The following PLCB4 variants were observed in gnomAD, a reference collection of about 807,000 sequenced individuals.
The protein encoded by PLCB4 is phospholipase C beta 4.
In PLCB4, 77 loss-of-function variants were observed where a neutral mutation model predicts 178.8. The observed-to-expected ratio is 0.43, with a 90% CI of 0.36 to 0.52. The LOEUF is 0.52. PLCB4 is among the 20% of genes least tolerant of loss of function. The probability of loss-of-function intolerance (pLI) is 0.00; values close to 1 mark genes in which losing one functional copy is unlikely to be tolerated. For synonymous variants in PLCB4, 496 were observed against 490.8 expected (o/e 1.01, Z -0.14); for missense variants, 1,024 against 1,453.4 (o/e 0.70, Z 4.80).
At chr20:9,309,004 T>A (rs1314583154) in intron 4 of PLCB4, among the ~76,000 whole-genome samples, 1 of 152,172 alleles carries the variant, frequency 6.6e-6, no homozygotes, top group African/African-American at 2.4e-5. Context: ...TTTTTTCATA[T>A]TTGTTTTTCT....
At chr20:9,457,309 T>C in intron 33 of PLCB4, 105 bp from the exon 34 acceptor site, 1 of 701,304 alleles carries the variant, frequency 1.4e-6, no homozygotes, top group South Asian at 1.6e-5. Flanking sequence ...TGACATCTCA[T>C]ATTTGATGAA....
At chr20:9,222,742 T>G (rs894368298) in intron 3 of PLCB4, among the ~76,000 whole-genome samples, 2 of 152,226 alleles carry the variant, frequency 1.3e-5, no homozygotes, top group Non-Finnish European at 2.9e-5. Flanking sequence ...CATATTTCAG[T>G]GCTCAAAAGC....
At chr20:9,249,657 T>A (rs2094159874) in intron 3 of PLCB4, among the ~76,000 whole-genome samples, 2 of 152,154 alleles carry the variant, frequency 1.3e-5, no homozygotes, top group Non-Finnish European at 2.9e-5. Flanking sequence ...CCTAACATAG[T>A]CACAGGCTCT....
At chr20:9,102,011 A>C (rs1218698916) in intron 2 of PLCB4, among the ~76,000 whole-genome samples, 2 of 151,790 alleles carry the variant, frequency 1.3e-5, no homozygotes, top group Non-Finnish European at 2.9e-5. Context: ...TGCCCAGATA[A>C]TTTTTGTATT....
intron 2 of PLCB4, among the ~76,000 whole-genome samples, chr20:9,202,977 C>T (rs2093565965): frequency 6.7e-6 from 1 of 149,186 alleles, no homozygotes; most frequent in Non-Finnish European, 1.5e-5. Context: ...CTGTGTTGTG[C>T]CCCAGTGGGC....
chr20:9,216,071 C>T (rs932848085), intron 2 of PLCB4, among the ~76,000 whole-genome samples: 3 of 152,166 alleles, frequency 2.0e-5, no homozygotes, highest in Non-Finnish European at 4.4e-5. Flanking sequence ...ATACATAGAT[C>T]GTGACCTTCA....
intron 2 of PLCB4, among the ~76,000 whole-genome samples, chr20:9,174,569 T>G (rs1221310105): frequency 2.0e-5 from 3 of 152,106 alleles, no homozygotes; most frequent in African/African-American, 7.2e-5. Context: ...TCTTCCCTCC[T>G]TGGTCCCTTG....
At chr20:9,439,357 C>T (rs1378448745) in intron 30 of PLCB4, among the ~76,000 whole-genome samples, 1 of 152,172 alleles carries the variant, frequency 6.6e-6, no homozygotes, top group Non-Finnish European at 1.5e-5. Flanking sequence ...GTTTAAAGAG[C>T]AGCCCTTTTC....
intron 3 of PLCB4, among the ~76,000 whole-genome samples, chr20:9,283,153 C>G (rs1187655098): frequency 6.6e-6 from 1 of 152,064 alleles, no homozygotes; most frequent in East Asian, 1.9e-4. Flanking sequence ...TATATCCCCC[C>G]AGAAGGGACA....
chr20:9,203,801 T>G (rs1396311738), intron 2 of PLCB4, among the ~76,000 whole-genome samples: 1 of 106,524 alleles, frequency 9.4e-6, no homozygotes, highest in African/African-American at 3.7e-5. Flanking sequence ...TTTTTTTTTT[T>G]TTCCCATTTC....
chr20:9,466,920 C>T (rs1451231545), intron 35 of PLCB4, among the ~76,000 whole-genome samples: 1 of 152,162 alleles, frequency 6.6e-6, no homozygotes, highest in Non-Finnish European at 1.5e-5. Context: ...CCAGCAATCC[C>T]ATTACTGGGT....
At chr20:9,285,563 C>G (rs1021686279) in intron 3 of PLCB4, among the ~76,000 whole-genome samples, 1 of 151,920 alleles carries the variant, frequency 6.6e-6, no homozygotes, top group Non-Finnish European at 1.5e-5. Flanking sequence ...TATAGACCTG[C>G]TTTCTGAGGT....
intron 28 of PLCB4, among the ~76,000 whole-genome samples, chr20:9,425,936 A>C (rs554996979): frequency 1.3e-5 from 2 of 152,154 alleles, no homozygotes; most frequent in East Asian, 3.9e-4. Context: ...AAATATACTT[A>C]TATTTTCCCT....
intron 3 of PLCB4, among the ~76,000 whole-genome samples, chr20:9,266,004 G>T (rs535934387): frequency 4.3e-4 from 65 of 152,328 alleles, no homozygotes; most frequent in African/African-American, 1.5e-3. Flanking sequence ...TTGGAAAAAA[G>T]AAAGTTGATA....
chr20:9,239,776 A>G (rs563938735), intron 3 of PLCB4, among the ~76,000 whole-genome samples: 1 of 152,268 alleles, frequency 6.6e-6, no homozygotes, highest in Admixed American at 6.5e-5. Context: ...AAACCTCAAA[A>G]GTAGGGAAGC....
intron 32 of PLCB4, among the ~76,000 whole-genome samples, chr20:9,448,151 T>C (rs375638175): frequency 9.0e-4 from 137 of 152,314 alleles, no homozygotes; most frequent in African/African-American, 2.9e-3. Flanking sequence ...TTTGAGCCCT[T>C]AGTAGAAACC....
At chr20:9,405,526 T>G (rs2039372686) in intron 21 of PLCB4, among the ~76,000 whole-genome samples, 178 bp downstream of exon 21, 1 of 152,232 alleles carries the variant, frequency 6.6e-6, no homozygotes, top group South Asian at 2.1e-4. Context: ...AGGCATTTTC[T>G]TCACTGGAAT....
intron 2 of PLCB4, among the ~76,000 whole-genome samples, chr20:9,109,468 G>A (rs1014554244): frequency 6.6e-6 from 1 of 150,618 alleles, no homozygotes; most frequent in South Asian, 2.1e-4. Context: ...TAAAATGATT[G>A]CTTTTTTTTT....
intron 3 of PLCB4, among the ~76,000 whole-genome samples, chr20:9,302,042 A>T (rs1427480197): frequency 6.6e-6 from 1 of 152,096 alleles, no homozygotes; most frequent in East Asian, 1.9e-4. Context: ...TGGGCTCTGC[A>T]TGGTGAGATG....
Sources: gnomAD v4.1 joint callset for allele counts (sites outside exome capture counted in the v4.1 genomes callset) on GRCh38, gnomAD v4.1.1 for gene constraint, MANE v1.5 for transcripts, NCBI Gene and HGNC (gene_info 2026-07-23, HGNC 2026-07-21) for gene names.